Variants in MYL4 observed in about 807,000 individuals in gnomAD.
MYL4 encodes myosin light chain 4, also known as atrial myosin light chain 1.
A neutral mutation model predicts 21.6 loss-of-function variants in MYL4; 16 were observed. That is an observed-to-expected ratio of 0.74 (90% CI 0.50 to 1.12). The LOEUF is 1.12. MYL4 is among the 50% of genes most tolerant of loss of function. The pLI is 0.00. For missense variants in MYL4, 249 were observed against 252.9 expected, an observed-to-expected ratio of 0.98 and a Z score of 0.11; for synonymous variants, 82 against 95.7, an observed-to-expected ratio of 0.86 and a Z score of 0.83.
intron 2 of MYL4, among the ~76,000 whole-genome samples, chr17:47,216,788 G>A (rs1007681800): frequency 5.3e-5 from 8 of 151,190 alleles, no homozygotes; most frequent in African/African-American, 1.2e-4. Flanking sequence ...TCCGCCTCCC[G>A]GGTTCAAGCA....
chr17:47,221,986 C>A, intron 4 of MYL4, 131 bp downstream of exon 4: 1 of 1,045,208 alleles, frequency 9.6e-7, no homozygotes, highest in Non-Finnish European at 1.4e-6. Context: ...ATGACCTGAT[C>A]CAGGCCCTGT....
At chr17:47,202,410 G>A (rs1025426767) in intron 1 of MYL4, among the ~76,000 whole-genome samples, 10 of 152,218 alleles carry the variant, frequency 6.6e-5, no homozygotes, top group East Asian at 1.9e-4. Context: ...ATGCACAGTC[G>A]AAAAAGTAGA....
At chr17:47,216,120 A>G (rs1202842888) in intron 2 of MYL4, among the ~76,000 whole-genome samples, 1 of 149,942 alleles carries the variant, frequency 6.7e-6, no homozygotes. Flanking sequence ...TCCCCCTCAT[A>G]GGAATTAGCT....
downstream of MYL4, among the ~76,000 whole-genome samples, chr17:47,225,562 A>G (rs1322518848): frequency 6.6e-6 from 1 of 152,222 alleles, no homozygotes; most frequent in Non-Finnish European, 1.5e-5. Context: ...ACTTCCTAAG[A>G]GTCAAAATCA....
chr17:47,197,692 C>G (rs1266049949), upstream of MYL4, among the ~76,000 whole-genome samples: 1 of 152,094 alleles, frequency 6.6e-6, no homozygotes, highest in Admixed American at 6.5e-5. Flanking sequence ...TTCAGCACTT[C>G]ATTATAAAAT....
chr17:47,217,993 A>G (rs1225838460), intron 2 of MYL4, among the ~76,000 whole-genome samples: 1 of 151,466 alleles, frequency 6.6e-6, no homozygotes, highest in Non-Finnish European at 1.5e-5. Context: ...GTGAGCCGAA[A>G]TCGCGACATT....
chr17:47,201,040 C>T (rs1054252412), intron 1 of MYL4, among the ~76,000 whole-genome samples: 9 of 152,086 alleles, frequency 5.9e-5, no homozygotes, highest in Admixed American at 1.3e-4. Context: ...GGCATGGTGG[C>T]GGGCACCTGT....
chr17:47,205,308 T>A (rs904545997), upstream of MYL4, among the ~76,000 whole-genome samples: 2 of 152,198 alleles, frequency 1.3e-5, no homozygotes, highest in African/African-American at 2.4e-5. Context: ...ACTGCCATAC[T>A]TGCCTCTTCA....
At chr17:47,214,135 G>A (rs2064797217) in intron 2 of MYL4, among the ~76,000 whole-genome samples, 1 of 152,198 alleles carries the variant, frequency 6.6e-6, no homozygotes. Context: ...CAGCAGTAGA[G>A]CTAAGATTCA....
chr17:47,193,348 G>C, the MYL4 span, among the ~76,000 whole-genome samples: 1 of 151,656 alleles, frequency 6.6e-6, no homozygotes, highest in Non-Finnish European at 1.5e-5. Flanking sequence ...GCTCACTGCA[G>C]CCTCCGTCTC....
chr17:47,216,916 A>C (rs1326313847), intron 2 of MYL4, among the ~76,000 whole-genome samples: 2 of 150,736 alleles, frequency 1.3e-5, no homozygotes, highest in Non-Finnish European at 1.5e-5. Context: ...CTGGTCTCAA[A>C]CTCCCAACCT....
chr17:47,216,413 G>A (rs182431796), intron 2 of MYL4, among the ~76,000 whole-genome samples: 51 of 151,432 alleles, frequency 3.4e-4, no homozygotes, highest in Middle Eastern at 3.4e-3. Context: ...AGCATTAGCA[G>A]TTATAACAAG....
chr17:47,225,855 C>CTTTTTTTTTTTTTTTTTTTTTTT (rs60342000), downstream of MYL4, among the ~76,000 whole-genome samples: 4 of 113,294 alleles, frequency 3.5e-5, no homozygotes, highest in Admixed American at 9.4e-5. Flanking sequence ...TCCTTCCCTT[C>CTTTTTTTTTTTTTTTTTTTTTTT]TTTTTTTTTT....
intron 3 of MYL4, among the ~76,000 whole-genome samples, chr17:47,221,015 G>T (rs2064851670): frequency 6.6e-6 from 1 of 152,180 alleles, no homozygotes; most frequent in Non-Finnish European, 1.5e-5. Context: ...CTAGGGGCTT[G>T]CATCTCAGAA....
the MYL4 span, among the ~76,000 whole-genome samples, chr17:47,195,215 A>G: frequency 0.043 from 6,201 of 145,866 alleles, 192 homozygotes; most frequent in Middle Eastern, 0.1. Context: ...GGTGCATGCC[A>G]CCACAGTGGG....
chr17:47,192,009 C>T, the MYL4 span, among the ~76,000 whole-genome samples: 3 of 152,178 alleles, frequency 2.0e-5, no homozygotes, highest in South Asian at 4.1e-4. Context: ...GGCACTCTGG[C>T]TTATAGGCTT....
At chr17:47,191,118 G>A in the MYL4 span, among the ~76,000 whole-genome samples, 1 of 152,226 alleles carries the variant, frequency 6.6e-6, no homozygotes, top group Non-Finnish European at 1.5e-5. Flanking sequence ...GGTCCCTTAG[G>A]CCTAGGCCTG....
intron 2 of MYL4, among the ~76,000 whole-genome samples, chr17:47,219,619 G>A (rs556844719): frequency 2.6e-5 from 4 of 152,108 alleles, no homozygotes; most frequent in Non-Finnish European, 4.4e-5. Flanking sequence ...AGCGATTCTC[G>A]GGCCGCAGCC....
At chr17:47,199,702 T>G (rs1305086776), upstream of MYL4, among the ~76,000 whole-genome samples, 4 of 151,192 alleles carry the variant, frequency 2.6e-5, no homozygotes, top group Non-Finnish European at 5.9e-5. Context: ...ACCTGCATAT[T>G]GTAGGTGCTC....
Sources: allele counts gnomAD v4.1 joint callset (sites outside exome capture counted in the v4.1 genomes callset), GRCh38; gene constraint gnomAD v4.1.1; transcripts MANE v1.5; gene names NCBI Gene and HGNC (gene_info 2026-07-23, HGNC 2026-07-21).